Variants in DIAPH3 observed in about 807,000 individuals in gnomAD.
DIAPH3 encodes the protein diaphanous related formin 3, also known as protein diaphanous homolog 3.
DIAPH3 carries 117 observed loss-of-function variants against 144.3 expected under a neutral mutation model. The ratio of observed to expected loss-of-function variants is 0.81; its 90% CI spans 0.70 to 0.95. DIAPH3 has a LOEUF of 0.95. Ranked by LOEUF, DIAPH3 falls within the 40% of genes least tolerant of loss-of-function variation. DIAPH3 has a pLI of 0.00. For synonymous variants in DIAPH3, 519 were observed against 488.9 expected (o/e 1.06, Z -0.81); for missense variants, 1,421 against 1,412.7 (o/e 1.01, Z -0.09).
At chr13:60,051,062 C>A (rs1359603102) in intron 4 of DIAPH3, among the ~76,000 whole-genome samples, 2 of 152,030 alleles carry the variant, frequency 1.3e-5, no homozygotes, top group African/African-American at 2.4e-5. Context: ...TCACTGTGAC[C>A]TTGAAAAGAC....
chr13:60,005,673 G>A (rs1263628583), intron 9 of DIAPH3, among the ~76,000 whole-genome samples: 2 of 151,924 alleles, frequency 1.3e-5, no homozygotes, highest in African/African-American at 2.4e-5. Context: ...AGTAGAGACG[G>A]GGTTTCACCA....
At chr13:59,936,855 T>A (rs2048288415) in intron 17 of DIAPH3, among the ~76,000 whole-genome samples, 2 of 152,138 alleles carry the variant, frequency 1.3e-5, no homozygotes, top group Admixed American at 6.6e-5. Flanking sequence ...GAATCATACA[T>A]GTATATTCAT....
At chr13:59,929,157 A>T (rs181194162) in intron 17 of DIAPH3, among the ~76,000 whole-genome samples, 67 of 152,318 alleles carry the variant, frequency 4.4e-4, no homozygotes, top group African/African-American at 1.6e-3. Flanking sequence ...AGAGGTGCTC[A>T]ACCCGTAAGT....
At chr13:59,960,193 C>T (rs911322892) in intron 17 of DIAPH3, among the ~76,000 whole-genome samples, 8 of 152,156 alleles carry the variant, frequency 5.3e-5, no homozygotes, top group African/African-American at 1.9e-4. Context: ...TCATCTATTA[C>T]CTGTGAAGCT....
chr13:59,778,685 C>T (rs534605976), intron 25 of DIAPH3, among the ~76,000 whole-genome samples: 1 of 152,218 alleles, frequency 6.6e-6, no homozygotes, highest in African/African-American at 2.4e-5. Context: ...ATCTCCTGAA[C>T]TAATCTGCTG....
intron 4 of DIAPH3, among the ~76,000 whole-genome samples, chr13:60,078,258 C>G (rs566701968): frequency 1.3e-5 from 2 of 152,136 alleles, no homozygotes; most frequent in South Asian, 4.1e-4. Context: ...ACTACTAACT[C>G]AATAGGCAAA....
intron 24 of DIAPH3, among the ~76,000 whole-genome samples, chr13:59,811,926 G>A (rs1159002484): frequency 6.6e-6 from 1 of 151,980 alleles, no homozygotes; most frequent in East Asian, 1.9e-4. Flanking sequence ...AGGGGAATTA[G>A]CAGGTAAACA....
intron 18 of DIAPH3, among the ~76,000 whole-genome samples, chr13:59,922,220 G>A (rs1027194584): frequency 4.6e-5 from 7 of 151,692 alleles, no homozygotes; most frequent in African/African-American, 1.7e-4. Flanking sequence ...AATTAGGTAA[G>A]AGAAAAAAAA....
chr13:59,969,960 AAATGTATTCT>A lies in DIAPH3; in HGVS notation c.2048_2057del (p.Glu683ValfsTer30), dbSNP rs2050261868. 1 of 1,603,676 alleles carries A rather than the reference AAATGTATTCT, an allele frequency of 6.2e-7. No homozygotes were observed. The highest frequency in any genetic ancestry group is 1.3e-5 in the African/African-American group (1 of 74,682). The stretch of plus-strand genomic sequence containing the variant: ...TAAACTTACCTTTTTGTTGGCAACA[AAATGTATTCT>A]CAAGTTTACAAAGCAAATCCACGTT... On this transcript the variant is annotated frameshift_variant, in exon 17 of 28. Transcript: ENST00000400324. LOFTEE classifies it high-confidence loss of function.
At chr13:60,082,291 T>C (rs1018133957) in intron 4 of DIAPH3, among the ~76,000 whole-genome samples, 1 of 150,214 alleles carries the variant, frequency 6.7e-6, no homozygotes, top group African/African-American at 2.5e-5. Flanking sequence ...ATAAAAAGCA[T>C]TTGGGAGAAG....
intron 24 of DIAPH3, among the ~76,000 whole-genome samples, chr13:59,825,199 C>A (rs935613316): frequency 4.6e-5 from 7 of 152,006 alleles, no homozygotes; most frequent in South Asian, 2.1e-4. Context: ...CCCCCTACCC[C>A]ACAACAGTCC....
At chr13:59,668,826 T>C (rs141812963) in intron 27 of DIAPH3, among the ~76,000 whole-genome samples, 43 of 134,250 alleles carry the variant, frequency 3.2e-4, no homozygotes, top group East Asian at 2.3e-3. Context: ...TATATACACA[T>C]ATATATATAT....
intron 27 of DIAPH3, among the ~76,000 whole-genome samples, chr13:59,684,377 G>A (rs114604240): frequency 0.01 from 1,546 of 152,260 alleles, 26 homozygotes; most frequent in African/African-American, 0.035. Context: ...GTACATTTGT[G>A]ACAGCTTAGA....
At chr13:59,671,878 G>A (rs565606663) in intron 27 of DIAPH3, among the ~76,000 whole-genome samples, 10 of 152,250 alleles carry the variant, frequency 6.6e-5, no homozygotes, top group Admixed American at 4.6e-4. Flanking sequence ...ACTTAAAAAT[G>A]AGAATAAAGG....
intron 22 of DIAPH3, among the ~76,000 whole-genome samples, chr13:59,857,042 C>T (rs973726332): frequency 1.3e-5 from 2 of 152,052 alleles, no homozygotes; most frequent in African/African-American, 2.4e-5. Context: ...ATAATGTTAG[C>T]TGTGTTGTTG....
At chr13:60,102,404 G>A (rs778001437) in intron 3 of DIAPH3, among the ~76,000 whole-genome samples, 53 of 151,994 alleles carry the variant, frequency 3.5e-4, no homozygotes, top group Non-Finnish European at 5.9e-4. Context: ...CTCTTTCACC[G>A]TGCATGGAAC....
chr13:60,081,236 A>C (rs962302874), intron 4 of DIAPH3, among the ~76,000 whole-genome samples: 5 of 152,066 alleles, frequency 3.3e-5, no homozygotes, highest in Admixed American at 2.0e-4. Context: ...CTTTGAAACT[A>C]CATAAGGAAA....
intron 20 of DIAPH3, among the ~76,000 whole-genome samples, chr13:59,900,587 G>A (rs1290663312): frequency 6.6e-6 from 1 of 152,186 alleles, no homozygotes; most frequent in Admixed American, 6.5e-5. Context: ...TGCTGATGAT[G>A]TGCCCCTCTC....
chr13:59,803,025 G>A (rs2040019266), intron 25 of DIAPH3, among the ~76,000 whole-genome samples: 1 of 152,130 alleles, frequency 6.6e-6, no homozygotes, highest in Admixed American at 6.6e-5. Context: ...GTGAAGGCCA[G>A]CTAACAAATA....
Sources: gnomAD v4.1 joint callset for allele counts (sites outside exome capture counted in the v4.1 genomes callset) on GRCh38, gnomAD v4.1.1 for gene constraint, MANE v1.5 for transcripts, NCBI Gene and HGNC (gene_info 2026-07-23, HGNC 2026-07-21) for gene names.